YWHAQ: variants seen among roughly 807,000 people sequenced by gnomAD.
The protein encoded by YWHAQ is tyrosine 3-monooxygenase/tryptophan 5-monooxygenase activation protein theta, also known as 14-3-3 protein theta.
YWHAQ carries 6 observed loss-of-function variants against 28.3 expected under a neutral mutation model. That is an observed-to-expected ratio of 0.21 (90% CI 0.12 to 0.42). The LOEUF (loss-of-function observed/expected upper bound fraction) is 0.42, where lower values mean the gene tolerates loss of function less well. Among genes scored for constraint, YWHAQ ranks in the 10% least tolerant of loss-of-function variants. The pLI, the probability that YWHAQ is intolerant of heterozygous loss-of-function variation, is 1.00. For synonymous variants in YWHAQ, 143 were observed against 119.1 expected (o/e 1.20, Z -1.31); for missense variants, 201 against 305.6 (o/e 0.66, Z 2.55).
At chr2:9,619,419 G>A (rs1295329273) in intron 2 of YWHAQ, among the ~76,000 whole-genome samples, 1 of 151,950 alleles carries the variant, frequency 6.6e-6, no homozygotes. Flanking sequence ...AATAAATACA[G>A]TAATACCAAA....
At chr2:9,623,646 G>A (rs1036254841) in intron 2 of YWHAQ, among the ~76,000 whole-genome samples, 4 of 152,150 alleles carry the variant, frequency 2.6e-5, no homozygotes, top group Admixed American at 2.6e-4. Context: ...GGTGGTGCAT[G>A]CCTGTAATCC....
chr2:9,630,428 T>G lies in YWHAQ; in HGVS notation c.25A>C (p.Lys9Gln), dbSNP rs1667341104. Residue 9 changes from lysine to glutamine, a missense_variant, in exon 2 of 6, where the codon AAG (lysine) becomes CAG (glutamine). Physicochemically the swap from Lys to Gln is moderately conservative, Grantham distance 53. Transcript: ENST00000238081. This position sits in a 1 kb window ranked among gnomAD's most constrained non-coding sequence, Gnocchi z 5.6. ...TCGGCCTGCTCGGCCAGCTTGGCCT[T>G]CTGGATCAGCTCAGTCTTCTCCATG... MEKTELIQ[K>Q]AKLAEQAERY... is the part of the protein sequence containing the mutation. 1.2e-6 allele frequency: 2 copies of G among 1,611,472 alleles called. No homozygotes were observed.
chr2:9,611,163 A>G (rs928313478), intron 2 of YWHAQ, among the ~76,000 whole-genome samples: 1 of 152,196 alleles, frequency 6.6e-6, no homozygotes, highest in Middle Eastern at 3.2e-3. Flanking sequence ...GTACAGTCTA[A>G]AAAAGTGTGA....
intron 2 of YWHAQ, among the ~76,000 whole-genome samples, chr2:9,600,970 A>G (rs1438307610): frequency 6.6e-6 from 1 of 152,242 alleles, no homozygotes; most frequent in Non-Finnish European, 1.5e-5. Flanking sequence ...TGCACTTAAC[A>G]GACTACAGTA....
intron 2 of YWHAQ, among the ~76,000 whole-genome samples, chr2:9,618,944 C>T (rs868652672): frequency 1.4e-4 from 22 of 152,226 alleles, no homozygotes; most frequent in African/African-American, 5.3e-4. Flanking sequence ...TCCCCTTAGT[C>T]CTTTTTCTCC....
intron 2 of YWHAQ, among the ~76,000 whole-genome samples, chr2:9,611,014 A>C (rs1222414634): frequency 6.6e-6 from 1 of 152,196 alleles, no homozygotes; most frequent in Non-Finnish European, 1.5e-5. Flanking sequence ...CAGGAAGTCA[A>C]GACTGATTTG....
chr2:9,584,092 C>G lies in YWHAQ; in HGVS notation c.*1194G>C, dbSNP rs1248838302. On this transcript the variant is annotated 3_prime_UTR_variant, in exon 6 of 6. Transcript: ENST00000238081. ...GTAAAACACTCTAAGAAATGCAGTC[C>G]AATTTTATACACTTCCAGGCATCCC... 1 of 152,428 alleles carries G rather than the reference C, an allele frequency of 6.6e-6. No individual in the cohort carries two copies. Among genetic ancestry groups the G allele is most frequent in the African/African-American group, 2.4e-5 (1 of 41,420 alleles). 9.4% of individuals were successfully genotyped at this position (152,428 alleles called of 1,614,324 possible).
rs55718607 is a variant in YWHAQ at position 9,609,585 on chromosome 2, TA to T, written c.295-18071del. On this transcript the variant is annotated intron_variant, in intron 2 of 5. Coordinates refer to ENST00000238081, the MANE Select transcript of YWHAQ (RefSeq NM_006826.4). Reference sequence around the variant, plus strand: ...AAAGCACAATAAATCCCAAGCAAGATAAAAAAAAATCATACCTAGATCATGG... The same window carrying T: ...AAAGCACAATAAATCCCAAGCAAGATAAAAAAAATCATACCTAGATCATGG... Among the ~76,000 whole-genome samples, 153 of 150,664 alleles carry T rather than the reference TA, an allele frequency of 1.0e-3. 1 individual carries two copies. Among genetic ancestry groups the T allele is most frequent in the African/African-American group, 3.5e-3 (142 of 41,026 alleles).
intron 2 of YWHAQ, among the ~76,000 whole-genome samples, chr2:9,597,871 G>A (rs1405744686): frequency 1.3e-5 from 2 of 151,134 alleles, no homozygotes; most frequent in Non-Finnish European, 2.9e-5. Context: ...CCAGGCTGGA[G>A]TGCAATGGCA....
rs1666309620 is a variant in YWHAQ, at chr2:9,584,733, AG to A, written c.*552del. 6.5e-6 allele frequency: 1 copy of A among 153,034 alleles called. No homozygotes were observed. Among genetic ancestry groups the A allele is most frequent in the Non-Finnish European group, 1.5e-5 (1 of 68,358 alleles). 9.5% of individuals were successfully genotyped at this position (153,034 alleles called of 1,614,324 possible). On this transcript the variant is annotated 3_prime_UTR_variant, in exon 6 of 6. Coordinates refer to ENST00000238081, the MANE Select transcript of YWHAQ (RefSeq NM_006826.4). Reference sequence around the variant, plus strand: ...TACACAAGACCTCCGTATGTGATACAGGAGCCATTTCAATTTGTGACCCCTA... The same window carrying A: ...TACACAAGACCTCCGTATGTGATACAGAGCCATTTCAATTTGTGACCCCTA...
chr2:9,587,604 C>CA (rs1273422860), intron 4 of YWHAQ, 95 bp from the exon 5 acceptor site: 16 of 1,051,670 alleles, frequency 1.5e-5, no homozygotes, highest in Non-Finnish European at 2.2e-5. Flanking sequence ...AGTGAACACC[C>CA]ACCTTATGTT....
chr2:9,599,877 A>G (rs957890999), intron 2 of YWHAQ, among the ~76,000 whole-genome samples: 1 of 152,206 alleles, frequency 6.6e-6, no homozygotes, highest in Admixed American at 6.5e-5. Flanking sequence ...TCGTAAGGCC[A>G]TAGCTGTCAT....
intron 2 of YWHAQ, among the ~76,000 whole-genome samples, chr2:9,628,451 A>G (rs1261280700): frequency 5.3e-5 from 8 of 152,254 alleles, no homozygotes; most frequent in Non-Finnish European, 7.3e-5. Context: ...GCCACAAAAT[A>G]AAACGAATAT....
intron 2 of YWHAQ, among the ~76,000 whole-genome samples, chr2:9,598,480 G>T (rs1431480317): frequency 1.3e-5 from 2 of 152,070 alleles, no homozygotes; most frequent in Non-Finnish European, 2.9e-5. Context: ...TTAACCAATT[G>T]AAGGTTTGTA....
At chr2:9,620,510 A>G (rs947880204) in intron 2 of YWHAQ, 1 of 152,220 alleles carries the variant, frequency 6.6e-6, no homozygotes, top group Non-Finnish European at 1.5e-5. Context: ...CAGCTCTGAA[A>G]GACCATTATC....
chr2:9,594,076 A>G (rs1169196078), intron 2 of YWHAQ, among the ~76,000 whole-genome samples: 3 of 152,044 alleles, frequency 2.0e-5, no homozygotes, highest in East Asian at 3.9e-4. Flanking sequence ...CATGAGTATC[A>G]AAATTGTGGC....
intron 2 of YWHAQ, among the ~76,000 whole-genome samples, chr2:9,591,787 AT>A (rs1277450405): frequency 1.3e-5 from 2 of 152,236 alleles, no homozygotes; most frequent in African/African-American, 4.8e-5. Context: ...GAAACAGCCT[AT>A]CTGTTCACTC....
chr2:9,585,211 A>G lies in YWHAQ; in HGVS notation c.*75T>C. ...ATGAATGGGTTTCTTTGCTATAGGAAATCCAAGTGGAATAAGGAATGGAGA... is the reference window on the plus strand; with the variant it reads ...ATGAATGGGTTTCTTTGCTATAGGAGATCCAAGTGGAATAAGGAATGGAGA... On this transcript the variant is annotated 3_prime_UTR_variant, in exon 6 of 6. Transcript: ENST00000238081. 2 of 1,541,662 alleles carry G rather than the reference A, an allele frequency of 1.3e-6. No individual in the cohort carries two copies. Among genetic ancestry groups the G allele is most frequent in the Non-Finnish European group, 1.8e-6 (2 of 1,116,456 alleles).
At chr2:9,608,973 C>G (rs1487787124) in intron 2 of YWHAQ, among the ~76,000 whole-genome samples, 1 of 151,094 alleles carries the variant, frequency 6.6e-6, no homozygotes, top group African/African-American at 2.4e-5. Context: ...ACAAAAATAA[C>G]AAAAATACTC....
Sources: gnomAD v4.1 joint callset for allele counts (sites outside exome capture counted in the v4.1 genomes callset) on GRCh38, gnomAD v4.1.1 for gene constraint, Gnocchi (gnomAD v3.1) non-coding constraint, MANE v1.5 for transcripts, NCBI Gene and HGNC (gene_info 2026-07-23, HGNC 2026-07-21) for gene names.